The following ERCC1 variants were observed in gnomAD, a reference collection of about 807,000 sequenced individuals.
ERCC1 encodes DNA excision repair protein ERCC-1.
ERCC1 carries 36 observed loss-of-function variants against 37.6 expected under a neutral mutation model. The observed-to-expected ratio is 0.96, with a 90% CI of 0.73 to 1.26. The LOEUF (loss-of-function observed/expected upper bound fraction) is 1.26, where lower values mean the gene tolerates loss of function less well. ERCC1 is among the 50% of genes most tolerant of loss of function. The probability of loss-of-function intolerance (pLI) is 0.00; values close to 1 mark genes in which losing one functional copy is unlikely to be tolerated. For synonymous variants in ERCC1, 156 were observed against 162.1 expected (o/e 0.96, Z 0.28); for missense variants, 349 against 376.5 (o/e 0.93, Z 0.60).
At chr19:45,431,855 G>A (rs1358084650) in intron 1 of ERCC1, among the ~76,000 whole-genome samples, 2 of 151,860 alleles carry the variant, frequency 1.3e-5, no homozygotes, top group Non-Finnish European at 2.9e-5. Flanking sequence ...TATACCCCTG[G>A]CACCCCAGCC....
chr19:45,414,159 C>T (rs749350037), intron 7 of ERCC1, 125 bp from the exon 8 acceptor site: 20 of 749,308 alleles, frequency 2.7e-5, no homozygotes, highest in East Asian at 1.1e-4. Context: ...ACTCAATAAA[C>T]GCTTTTTTTC....
Position 45,423,172 on chromosome 19 carries a change from A to T in ERCC1, c.105+98T>A, listed in dbSNP as rs577363197. 106 of 1,258,234 alleles carry T rather than the reference A, an allele frequency of 8.4e-5. 1 individual carries two copies. The African/African-American group carries it at 1.5e-3, about 18-fold the overall frequency. The allele number at this position is 1,258,234 out of a possible 1,614,324, so 77.9% of individuals were successfully genotyped here. A position where few individuals can be genotyped will look rare whatever the true frequency, so the allele number is the denominator to read the frequency against. On this transcript the variant is annotated intron_variant, in intron 2 of 9. Coordinates refer to ENST00000300853, the MANE Select transcript of ERCC1 (RefSeq NM_001983.4). ...TTCCCCAAGTCGTCCGTGGCCCCCA[A>T]ATCCACTAACCCACACCCTGGTCCC...
chr19:45,437,335 C>G (rs941538320), intron 1 of ERCC1, among the ~76,000 whole-genome samples: 1 of 152,062 alleles, frequency 6.6e-6, no homozygotes, highest in African/African-American at 2.4e-5. Context: ...ATCTAGCAGA[C>G]TCATATACCT....
chr19:45,430,332 G>C (rs1186534575), intron 1 of ERCC1, among the ~76,000 whole-genome samples: 1 of 152,170 alleles, frequency 6.6e-6, no homozygotes, highest in Non-Finnish European at 1.5e-5. Flanking sequence ...TCTCCTGTGG[G>C]CCTCGCTGCA....
chr19:45,432,668 A>G (rs941666195), intron 1 of ERCC1, among the ~76,000 whole-genome samples: 2 of 152,142 alleles, frequency 1.3e-5, no homozygotes, highest in African/African-American at 2.4e-5. Context: ...CAGCCTCCCA[A>G]ATAGCTAGGA....
At chr19:45,410,501 C>T (rs550229984) in intron 9 of ERCC1, 1 of 151,294 alleles carries the variant, frequency 6.6e-6, no homozygotes, top group South Asian at 2.1e-4. Context: ...TTAAAATGTA[C>T]CATTATTATT....
At chr19:45,424,954 C>T (rs577952293), upstream of ERCC1, among the ~76,000 whole-genome samples, 7 of 137,384 alleles carry the variant, frequency 5.1e-5, no homozygotes, top group South Asian at 1.6e-3. Context: ...CGGAGTTTCG[C>T]TCTTATTACC....
rs55913780 is a variant in ERCC1 at position 45,409,895 on chromosome 19, A to T, written c.844-170T>A. 0.31 allele frequency: 52,599 copies of T among 170,384 alleles called. 9,772 individuals are homozygous for T. Among genetic ancestry groups the T allele is most frequent in the Non-Finnish European group, 0.41 (36,578 of 90,208 alleles). The allele number at this position is 170,384 out of a possible 1,614,324, so 10.6% of individuals were successfully genotyped here. A position where few individuals can be genotyped will look rare whatever the true frequency, so the allele number is the denominator to read the frequency against. On this transcript the variant is annotated intron_variant, in intron 9 of 9. Coordinates refer to ENST00000300853, the MANE Select transcript of ERCC1 (RefSeq NM_001983.4). ...TTTTTAAGTTATTATTATTATTATT[A>T]TTTTTTTTTTTTTTGAGATGGAGTC...
intron 1 of ERCC1, among the ~76,000 whole-genome samples, chr19:45,430,360 T>G (rs944271092): frequency 6.6e-6 from 1 of 152,200 alleles, no homozygotes; most frequent in Non-Finnish European, 1.5e-5. Context: ...AGGGATGTAC[T>G]TTTATTATTA....
chr19:45,446,546 C>G (rs1966947775), intron 1 of ERCC1, among the ~76,000 whole-genome samples: 1 of 152,158 alleles, frequency 6.6e-6, no homozygotes, highest in African/African-American at 2.4e-5. Context: ...CAGTCTAGCT[C>G]CAAAGATGGT....
intron 4 of ERCC1, chr19:45,419,484 G>C (rs1191644154): frequency 7.1e-6 from 3 of 422,614 alleles, no homozygotes; most frequent in African/African-American, 6.1e-5. Flanking sequence ...ACAGGTGCCA[G>C]GGGCCCTAGA....
At chr19:45,411,053 G>A (rs1213592743) in intron 9 of ERCC1, among the ~76,000 whole-genome samples, 1 of 152,036 alleles carries the variant, frequency 6.6e-6, no homozygotes, top group Non-Finnish European at 1.5e-5. Context: ...TGAACTTCTG[G>A]CCTCAAGTGA....
chr19:45,447,986 C>T (rs571991100), intron 1 of ERCC1, among the ~76,000 whole-genome samples: 12 of 152,212 alleles, frequency 7.9e-5, no homozygotes, highest in African/African-American at 2.6e-4. Flanking sequence ...ATTCTCCTGC[C>T]TCAGTCTCCC....
At chr19:45,432,730 CG>C (rs996415752) in intron 1 of ERCC1, among the ~76,000 whole-genome samples, 10 of 152,112 alleles carry the variant, frequency 6.6e-5, no homozygotes, top group Admixed American at 1.3e-4. Context: ...TTTGTAGAGA[CG>C]GGGTCTTGCT....
chr19:45,437,159 G>A (rs892551859), intron 1 of ERCC1, among the ~76,000 whole-genome samples: 2 of 152,042 alleles, frequency 1.3e-5, no homozygotes, highest in Non-Finnish European at 2.9e-5. Flanking sequence ...TGAGGGAGGA[G>A]AATCGCTTGA....
chr19:45,422,896 C>G (rs1420122094), intron 2 of ERCC1, among the ~76,000 whole-genome samples: 5 of 152,176 alleles, frequency 3.3e-5, no homozygotes, highest in Admixed American at 3.3e-4. Flanking sequence ...AAGGAGATTT[C>G]AATATTGCCA....
rs776026821 is a variant in ERCC1 at position 45,408,626 on chromosome 19, C to T, written c.*1049G>A. Reference sequence around the variant, plus strand: ...GAAGAAGAAGAAGAAAAAAAATCAGCAGCTGAAAGAACCAGAGGCAGCAGG... The same window carrying T: ...GAAGAAGAAGAAGAAAAAAAATCAGTAGCTGAAAGAACCAGAGGCAGCAGG... On this transcript the variant is annotated 3_prime_UTR_variant, in exon 10 of 10. Coordinates refer to ENST00000300853, the MANE Select transcript of ERCC1 (RefSeq NM_001983.4). 2.4e-5 allele frequency: 38 copies of T among 1,613,556 alleles called. No homozygotes were observed. The highest frequency in any genetic ancestry group is 3.1e-5 in the Non-Finnish European group (36 of 1,180,012).
chr19:45,424,061 C>G (rs1974605465), upstream of ERCC1: 1 of 1,043,268 alleles, frequency 9.6e-7, no homozygotes, highest in African/African-American at 1.7e-5. Flanking sequence ...TGTTAAGTTT[C>G]AAAGCCCTTA....
At chr19:45,440,007 G>C (rs1203359801) in intron 1 of ERCC1, among the ~76,000 whole-genome samples, 1 of 152,150 alleles carries the variant, frequency 6.6e-6, no homozygotes, top group African/African-American at 2.4e-5. Context: ...GCGCTTCCGG[G>C]GAGCGGAAGG....
Sources: allele counts gnomAD v4.1 joint callset (sites outside exome capture counted in the v4.1 genomes callset), GRCh38; gene constraint gnomAD v4.1.1; transcripts MANE v1.5; gene names NCBI Gene and HGNC (gene_info 2026-07-23, HGNC 2026-07-21).